The following IMMP2L variants were observed in gnomAD, a reference collection of about 807,000 sequenced individuals.
IMMP2L encodes mitochondrial inner membrane protease subunit 2.
A neutral mutation model predicts 19.3 loss-of-function variants in IMMP2L; 18 were observed. The observed-to-expected ratio is 0.93, with a 90% CI of 0.64 to 1.38. The LOEUF is 1.38. Ranked by LOEUF, IMMP2L falls within the 40% of genes most tolerant of loss-of-function variation. IMMP2L has a pLI of 0.00. For missense variants in IMMP2L, 233 were observed against 218.2 expected (o/e 1.07, Z -0.43); for synonymous variants, 76 against 73.0 (o/e 1.04, Z -0.21).
At chr7:111,198,641 T>C (rs1230194977) in intron 3 of IMMP2L, among the ~76,000 whole-genome samples, 2 of 152,192 alleles carry the variant, frequency 1.3e-5, no homozygotes, top group African/African-American at 4.8e-5. Context: ...CTACAAATGA[T>C]GCCTTTTTCC....
intron 3 of IMMP2L, among the ~76,000 whole-genome samples, chr7:111,155,862 C>G (rs1215734298): frequency 6.6e-6 from 1 of 152,006 alleles, no homozygotes; most frequent in African/African-American, 2.4e-5. Flanking sequence ...TCCCTTACAC[C>G]CCATCCCAGT....
At chr7:110,883,246 T>C (rs917336301) in intron 5 of IMMP2L, among the ~76,000 whole-genome samples, 1 of 152,284 alleles carries the variant, frequency 6.6e-6, no homozygotes, top group African/African-American at 2.4e-5. Context: ...AGGAATTCCA[T>C]GGAATTTTAA....
At chr7:110,841,460 C>G (rs1451124866) in intron 5 of IMMP2L, among the ~76,000 whole-genome samples, 2 of 151,932 alleles carry the variant, frequency 1.3e-5, no homozygotes, top group Non-Finnish European at 2.9e-5. Flanking sequence ...AATCATTTCT[C>G]TATAGATGTT....
intron 5 of IMMP2L, among the ~76,000 whole-genome samples, chr7:110,793,438 A>T (rs896562573): frequency 6.6e-6 from 1 of 151,560 alleles, no homozygotes; most frequent in Non-Finnish European, 1.5e-5. Context: ...CAAACAAACA[A>T]ACAAACAAAC....
At chr7:111,381,815 G>C (rs190313701) in intron 3 of IMMP2L, among the ~76,000 whole-genome samples, 131 of 152,106 alleles carry the variant, frequency 8.6e-4, no homozygotes, top group African/African-American at 3.1e-3. Context: ...AGGATATGCA[G>C]GTACCATGAT....
intron 3 of IMMP2L, among the ~76,000 whole-genome samples, chr7:110,979,810 G>C (rs1821077334): frequency 6.6e-6 from 1 of 152,170 alleles, no homozygotes; most frequent in Non-Finnish European, 1.5e-5. Context: ...GTGTGCTTAA[G>C]GGTACAGAGT....
chr7:111,068,182 A>C (rs1445738959), intron 3 of IMMP2L, among the ~76,000 whole-genome samples: 1 of 152,218 alleles, frequency 6.6e-6, no homozygotes, highest in Non-Finnish European at 1.5e-5. Context: ...TCAAGAGACC[A>C]CAGAGAATAC....
chr7:110,872,147 A>C (rs1370425237), intron 5 of IMMP2L, among the ~76,000 whole-genome samples: 1 of 152,146 alleles, frequency 6.6e-6, no homozygotes, highest in East Asian at 1.9e-4. Flanking sequence ...AGAATCTTGA[A>C]GCCACATAAA....
At chr7:111,496,194 T>C (rs1843575864) in intron 2 of IMMP2L, among the ~76,000 whole-genome samples, 1 of 152,182 alleles carries the variant, frequency 6.6e-6, no homozygotes, top group Admixed American at 6.5e-5. Flanking sequence ...GCCGTCTTTC[T>C]TCCCTTGCTA....
chr7:111,193,643 T>C (rs1809147652), intron 3 of IMMP2L, among the ~76,000 whole-genome samples: 1 of 152,120 alleles, frequency 6.6e-6, no homozygotes, highest in African/African-American at 2.4e-5. Flanking sequence ...TATCCAGAGA[T>C]GCTGACCAGA....
rs574306663 is a variant in IMMP2L, at chr7:110,951,565, G to A, written c.305+11935C>T. On this transcript the variant is annotated intron_variant, in intron 4 of 5. Coordinates refer to ENST00000405709, the MANE Select transcript of IMMP2L (RefSeq NM_032549.4). ...TGTGTGTGTGTGTGTGTGTGTGTAT[G>A]TGTGTGTGTGTATACATATATATAT... Among the ~76,000 whole-genome samples the A allele has an allele frequency of 3.3e-3, 493 of 148,570 alleles. 3 individuals carry two copies. The highest frequency in any genetic ancestry group is 0.011 in the African/African-American group (453 of 40,314).
intron 3 of IMMP2L, among the ~76,000 whole-genome samples, chr7:111,226,633 G>A (rs1813137279): frequency 6.6e-6 from 1 of 152,034 alleles, no homozygotes; most frequent in South Asian, 2.1e-4. Flanking sequence ...ACAGTAATGG[G>A]GGAGACAATG....
At chr7:110,909,918 GAGAT>G (rs1812869971) in intron 4 of IMMP2L, among the ~76,000 whole-genome samples, 7 of 149,040 alleles carry the variant, frequency 4.7e-5, no homozygotes, top group South Asian at 2.1e-4. Flanking sequence ...AAGAGAGAGA[GAGAT>G]AGACAGAGAG....
intron 3 of IMMP2L, among the ~76,000 whole-genome samples, chr7:111,242,112 T>C (rs1479484621): frequency 6.6e-6 from 1 of 151,940 alleles, no homozygotes; most frequent in Non-Finnish European, 1.5e-5. Context: ...AAACAATAAT[T>C]CAGAAAATAG....
At chr7:111,425,321 T>C (rs1391101864) in intron 3 of IMMP2L, among the ~76,000 whole-genome samples, 1 of 144,890 alleles carries the variant, frequency 6.9e-6, no homozygotes, top group African/African-American at 2.5e-5. Flanking sequence ...TGTATCTTGA[T>C]AGAGATTAGG....
chr7:111,384,242 A>AAGGAGAG (rs1831502923), intron 3 of IMMP2L, among the ~76,000 whole-genome samples: 1 of 137,584 alleles, frequency 7.3e-6, no homozygotes, highest in South Asian at 2.1e-4. Context: ...AGAGAGGAGA[A>AAGGAGAG]AGGAGAGAGG....
intron 5 of IMMP2L, among the ~76,000 whole-genome samples, chr7:110,836,069 A>G (rs942485959): frequency 2.0e-5 from 3 of 152,134 alleles, no homozygotes; most frequent in Admixed American, 1.3e-4. Context: ...AACAAATCTC[A>G]GTCAGTATTG....
chr7:110,731,954 G>C (rs1189835606), intron 5 of IMMP2L, among the ~76,000 whole-genome samples: 1 of 152,176 alleles, frequency 6.6e-6, no homozygotes, highest in Non-Finnish European at 1.5e-5. Context: ...CAGCTCACCA[G>C]CAATTAGAAA....
chr7:111,401,714 G>C (rs777583449), intron 3 of IMMP2L, among the ~76,000 whole-genome samples: 10 of 152,066 alleles, frequency 6.6e-5, no homozygotes, highest in Non-Finnish European at 1.3e-4. Flanking sequence ...TGGTCATACT[G>C]AGCAATTCAA....
Sources: gnomAD v4.1 joint callset for allele counts (sites outside exome capture counted in the v4.1 genomes callset) on GRCh38, gnomAD v4.1.1 for gene constraint, MANE v1.5 for transcripts, NCBI Gene and HGNC (gene_info 2026-07-23, HGNC 2026-07-21) for gene names.